Variants in CACNA2D3 observed in about 807,000 individuals in gnomAD.
The protein encoded by CACNA2D3 is calcium voltage-gated channel auxiliary subunit alpha2delta 3.
CACNA2D3 carries 60 observed loss-of-function variants against 160.6 expected under a neutral mutation model. The observed-to-expected ratio is 0.37, with a 90% CI of 0.30 to 0.46. The LOEUF is 0.46. CACNA2D3 is among the 20% of genes least tolerant of loss of function. CACNA2D3 has a pLI of 1.00. For synonymous variants in CACNA2D3, 558 were observed against 492.9 expected, an observed-to-expected ratio of 1.13 and a Z score of -1.75; for missense variants, 1,205 against 1,365.0, an observed-to-expected ratio of 0.88 and a Z score of 1.85.
chr3:54,243,433 C>T (rs1371706519), intron 2 of CACNA2D3, among the ~76,000 whole-genome samples: 1 of 152,158 alleles, frequency 6.6e-6, no homozygotes, highest in Admixed American at 6.5e-5. Context: ...TCATGACTTT[C>T]CTGATCTCAA....
chr3:54,169,747 ATGTGTGTGTGTT>A (rs1385395052), intron 2 of CACNA2D3, among the ~76,000 whole-genome samples: 1 of 151,092 alleles, frequency 6.6e-6, no homozygotes, highest in Non-Finnish European at 1.5e-5. Flanking sequence ...GCGAGTGTGC[ATGTGTGTGTGTT>A]TGTGTGTGTG....
chr3:54,969,421 G>A (rs573919285), intron 28 of CACNA2D3, among the ~76,000 whole-genome samples: 1 of 152,048 alleles, frequency 6.6e-6, no homozygotes, highest in Admixed American at 6.6e-5. Context: ...CACCACACTA[G>A]GGTAATTTTT....
intron 2 of CACNA2D3, among the ~76,000 whole-genome samples, chr3:54,192,671 G>GGTGTGTGT (rs147191768): frequency 1.2e-4 from 18 of 149,694 alleles, no homozygotes; most frequent in African/African-American, 2.9e-4. Context: ...CCATATGTGA[G>GGTGTGTGT]GTGTGTGTGT....
intron 2 of CACNA2D3, among the ~76,000 whole-genome samples, chr3:54,150,019 C>T (rs1700116966): frequency 6.9e-6 from 1 of 144,356 alleles, no homozygotes; most frequent in Admixed American, 7.0e-5. Flanking sequence ...ATCTCTCTGT[C>T]TCTGTCTCTC....
intron 5 of CACNA2D3, among the ~76,000 whole-genome samples, chr3:54,537,220 G>A (rs1418590564): frequency 6.6e-6 from 1 of 152,056 alleles, no homozygotes; most frequent in Non-Finnish European, 1.5e-5. Context: ...GGCCATGTGC[G>A]CGATTAGGGT....
At chr3:55,041,249 T>A (rs1045064341) in intron 35 of CACNA2D3, among the ~76,000 whole-genome samples, 5 of 152,234 alleles carry the variant, frequency 3.3e-5, no homozygotes, top group Non-Finnish European at 7.3e-5. Flanking sequence ...GCTTAATGCA[T>A]GTATAATTTA....
chr3:55,059,638 G>T (rs1704453456), intron 35 of CACNA2D3, among the ~76,000 whole-genome samples: 1 of 152,220 alleles, frequency 6.6e-6, no homozygotes. Context: ...GCTGTCCATA[G>T]ACAGCTTAAG....
rs374068066 is a variant in CACNA2D3 at position 54,175,867 on chromosome 3, A to G, written c.204+52273A>G. ...AGAAGTCAGTGGGCTTGAAGAGCAT[A>G]CAATGTCTGGGACAATGTCTTTTGG... On this transcript the variant is annotated intron_variant, in intron 2 of 37. Transcript: ENST00000474759. Among the ~76,000 whole-genome samples the G allele has an allele frequency of 1.2e-4, 18 of 152,216 alleles. No homozygotes were observed. In the East Asian group the frequency reaches 1.5e-3, roughly 13 times the overall value.
intron 11 of CACNA2D3, among the ~76,000 whole-genome samples, chr3:54,678,707 T>A (rs1462920383): frequency 1.1e-5 from 1 of 90,836 alleles, no homozygotes; most frequent in East Asian, 3.2e-4. Flanking sequence ...GGTGACAGAG[T>A]GAGACTCGGT....
At chr3:54,134,008 G>A (rs1259085182) in intron 2 of CACNA2D3, among the ~76,000 whole-genome samples, 1 of 152,194 alleles carries the variant, frequency 6.6e-6, no homozygotes, top group African/African-American at 2.4e-5. Flanking sequence ...AGGAAGTGCC[G>A]AGTAAATTTT....
chr3:54,636,818 T>G (rs1015376748), intron 10 of CACNA2D3, among the ~76,000 whole-genome samples: 5 of 152,174 alleles, frequency 3.3e-5, no homozygotes, highest in African/African-American at 9.7e-5. Context: ...GGATGAAATT[T>G]GGGCTTGACT....
intron 35 of CACNA2D3, among the ~76,000 whole-genome samples, chr3:55,070,671 T>C (rs1242493400): frequency 6.6e-5 from 10 of 152,238 alleles, no homozygotes; most frequent in Admixed American, 6.5e-4. Flanking sequence ...TCCAGCTTCT[T>C]GATTTGAAAA....
intron 4 of CACNA2D3, among the ~76,000 whole-genome samples, chr3:54,463,362 G>A (rs1700545035): frequency 6.6e-6 from 1 of 152,202 alleles, no homozygotes; most frequent in Non-Finnish European, 1.5e-5. Flanking sequence ...ATAATATCCT[G>A]CAGAGTGTTT....
chr3:54,444,538 G>C (rs1700191464), intron 4 of CACNA2D3, among the ~76,000 whole-genome samples: 1 of 152,002 alleles, frequency 6.6e-6, no homozygotes, highest in African/African-American at 2.4e-5. Context: ...CTCTATTTTT[G>C]GTTTCTTGTA....
intron 11 of CACNA2D3, among the ~76,000 whole-genome samples, chr3:54,705,948 C>T (rs1700849402): frequency 6.6e-6 from 1 of 152,126 alleles, no homozygotes; most frequent in South Asian, 2.1e-4. Context: ...CTCTTCTCCT[C>T]GTATAGTTCT....
Position 54,753,020 on chromosome 3 carries a change from C to T in CACNA2D3, c.1246+343C>T, listed in dbSNP as rs139029392. Among the ~76,000 whole-genome samples, 202 of 152,044 alleles carry T rather than the reference C, an allele frequency of 1.3e-3. 2 individuals carry two copies. Among genetic ancestry groups the T allele is most frequent in the East Asian group, 7.8e-3 (40 of 5,142 alleles). ...AGATTACAGGTGTGCACCACAATACCCAGCTAATTTTTGTATTTTTAGTAG... is the reference window on the plus strand; with the variant it reads ...AGATTACAGGTGTGCACCACAATACTCAGCTAATTTTTGTATTTTTAGTAG... On this transcript the variant is annotated intron_variant, in intron 12 of 37. Coordinates refer to ENST00000474759, the MANE Select transcript of CACNA2D3 (RefSeq NM_018398.3).
intron 6 of CACNA2D3, 121 bp downstream of exon 6, chr3:54,563,052 A>T (rs1702352239): frequency 4.3e-6 from 4 of 931,798 alleles, no homozygotes; most frequent in African/African-American, 1.7e-5. Flanking sequence ...TGAAAGATGA[A>T]TTCCAAACCT....
At position 54,360,666 on chromosome 3, in the gene CACNA2D3, T is replaced by G. The variant is rs1698726665; in HGVS notation, c.322-26049T>G. On this transcript the variant is annotated intron_variant, in intron 3 of 37. Transcript: ENST00000474759. ...CTCTGTGCTCAGTTTCCTCTAGGCA[T>G]GTTGATACTGGCAGATGCTGTCTGC... 2.0e-5 allele frequency among the ~76,000 whole-genome samples: 3 copies of G among 152,198 alleles called. No individual in the cohort carries two copies. The South Asian group carries it at 6.2e-4, about 32-fold the overall frequency.
chr3:54,699,602 C>T (rs1700729097), intron 11 of CACNA2D3, among the ~76,000 whole-genome samples: 1 of 152,148 alleles, frequency 6.6e-6, no homozygotes, highest in Non-Finnish European at 1.5e-5. Context: ...AATATAAGGG[C>T]ACACCCCATT....
Sources: allele counts gnomAD v4.1 joint callset (sites outside exome capture counted in the v4.1 genomes callset), GRCh38; gene constraint gnomAD v4.1.1; transcripts MANE v1.5; gene names NCBI Gene and HGNC (gene_info 2026-07-23, HGNC 2026-07-21).